The following SNX16 variants were observed in gnomAD, a reference collection of about 807,000 sequenced individuals.
SNX16 encodes sorting nexin 16.
In SNX16, 35 loss-of-function variants were observed where a neutral mutation model predicts 36.7. That is an observed-to-expected ratio of 0.95 (90% CI 0.73 to 1.27). SNX16 has a LOEUF of 1.27. Among genes scored for constraint, SNX16 ranks in the 50% most tolerant of loss-of-function variants. The pLI, the probability that SNX16 is intolerant of heterozygous loss-of-function variation, is 0.00. For missense variants in SNX16, 367 were observed against 393.6 expected (o/e 0.93, Z 0.57); for synonymous variants, 134 against 132.0 (o/e 1.02, Z -0.10).
chr8:81,819,065 C>G (rs1284142913), intron 4 of SNX16, among the ~76,000 whole-genome samples: 1 of 151,956 alleles, frequency 6.6e-6, no homozygotes, highest in East Asian at 1.9e-4. Context: ...CCATCCTGAA[C>G]TTTAAAAAAA....
intron 5 of SNX16, among the ~76,000 whole-genome samples, chr8:81,806,566 G>A (rs1809957450): frequency 6.6e-6 from 1 of 151,988 alleles, no homozygotes. Context: ...CCAGCCTATA[G>A]AAAACTCCAT....
intron 2 of SNX16, among the ~76,000 whole-genome samples, chr8:81,837,758 A>G (rs1040028476): frequency 6.6e-6 from 1 of 152,212 alleles, no homozygotes; most frequent in African/African-American, 2.4e-5. Context: ...AGACCATAGT[A>G]TCAACTCAAT....
intron 2 of SNX16, among the ~76,000 whole-genome samples, chr8:81,837,688 T>C (rs1401929061): frequency 6.6e-6 from 1 of 152,226 alleles, no homozygotes; most frequent in Non-Finnish European, 1.5e-5. Flanking sequence ...GCTCCATCTC[T>C]TAATACCATC....
intron 5 of SNX16, chr8:81,814,553 A>G (rs1810395914): frequency 6.6e-6 from 1 of 152,076 alleles, no homozygotes; most frequent in Non-Finnish European, 1.5e-5. Context: ...GGTTACAGTG[A>G]TGATGGTAAC....
At chr8:81,829,652 C>A in intron 2 of SNX16, 136 bp from the exon 3 acceptor site, 1 of 379,168 alleles carries the variant, frequency 2.6e-6, no homozygotes, top group Admixed American at 4.6e-5. Context: ...TATCAAAAAT[C>A]ATTTAAATTA....
chr8:81,808,037 C>T, intron 5 of SNX16: 2 of 897,382 alleles, frequency 2.2e-6, no homozygotes, highest in Admixed American at 1.7e-5. Context: ...CCAAAGAGAG[C>T]TGTCTCAAGG....
At chr8:81,829,380 GA>G in intron 3 of SNX16, 49 bp downstream of exon 3, 1 of 813,876 alleles carries the variant, frequency 1.2e-6, no homozygotes. Context: ...ATAGGAAACA[GA>G]AAAGAATTCA....
chr8:81,807,681 A>G, intron 5 of SNX16: 2 of 539,156 alleles, frequency 3.7e-6, no homozygotes. Flanking sequence ...AAAAAGTTAA[A>G]TCAATTAAAA....
chr8:81,810,883 G>A (rs1314029640), intron 5 of SNX16, among the ~76,000 whole-genome samples: 5 of 152,064 alleles, frequency 3.3e-5, no homozygotes, highest in Admixed American at 2.0e-4. Context: ...TAGAGTGTAT[G>A]AGAAATCCTA....
intron 5 of SNX16, among the ~76,000 whole-genome samples, chr8:81,804,239 C>A (rs1020599934): frequency 6.6e-6 from 1 of 151,834 alleles, no homozygotes; most frequent in Non-Finnish European, 1.5e-5. Flanking sequence ...CTAAGCATTA[C>A]CAATACACAT....
At chr8:81,805,918 T>C (rs1362792694) in intron 5 of SNX16, among the ~76,000 whole-genome samples, 1 of 149,520 alleles carries the variant, frequency 6.7e-6, no homozygotes, top group Non-Finnish European at 1.5e-5. Context: ...AAGACTCTTA[T>C]CTCAAAAAAA....
At chr8:81,830,793 A>G (rs1373414216) in intron 2 of SNX16, among the ~76,000 whole-genome samples, 1 of 152,154 alleles carries the variant, frequency 6.6e-6, no homozygotes, top group African/African-American at 2.4e-5. Context: ...ACCAAAAAAG[A>G]GCTGAAATAG....
chr8:81,821,977 C>T (rs1001006840), intron 4 of SNX16, among the ~76,000 whole-genome samples: 3 of 152,120 alleles, frequency 2.0e-5, no homozygotes, highest in Non-Finnish European at 4.4e-5. Flanking sequence ...CTGACCCCTA[C>T]TGATAATGAT....
chr8:81,825,289 T>A (rs1229122202), intron 3 of SNX16, among the ~76,000 whole-genome samples: 1 of 152,200 alleles, frequency 6.6e-6, no homozygotes, highest in East Asian at 1.9e-4. Flanking sequence ...TGACACACAT[T>A]GTCAAATCAT....
Position 81,803,222 on chromosome 8 carries a change from A to T in SNX16, c.688T>A (p.Cys230Ser). 6.3e-7 allele frequency: 1 copy of T among 1,595,626 alleles called. No individual in the cohort carries two copies. Among genetic ancestry groups the T allele is most frequent in the Non-Finnish European group, 8.5e-7 (1 of 1,174,650 alleles). The change falls in exon 6 of 8, where the codon TGT becomes AGT. Residue 230 changes from cysteine (C) to serine (S), a missense_variant. Coordinates refer to ENST00000345957, the MANE Select transcript of SNX16 (RefSeq NM_152836.3). Reference protein sequence around the residue: ...FDSLEESRAFCETLEETNYRL... With the variant: ...FDSLEESRAFSETLEETNYRL... ...TAGTTTGTCTCTTCTAAAGTTTCAC[A>T]GAATGCCTTAAAAAAAACAACAAAC...
chr8:81,830,527 C>T (rs185288675), intron 2 of SNX16, among the ~76,000 whole-genome samples: 1,918 of 147,234 alleles, frequency 0.013, 16 homozygotes, highest in Non-Finnish European at 0.022. Context: ...GCTGACATTG[C>T]ACCACTGCAC....
At chr8:81,828,689 C>G (rs953476527) in intron 3 of SNX16, among the ~76,000 whole-genome samples, 7 of 152,104 alleles carry the variant, frequency 4.6e-5, no homozygotes, top group African/African-American at 1.7e-4. Flanking sequence ...TCTGGGTGAG[C>G]CTTATCTTAC....
intron 2 of SNX16, among the ~76,000 whole-genome samples, chr8:81,837,587 G>C (rs1027437502): frequency 1.3e-5 from 2 of 152,140 alleles, no homozygotes; most frequent in Admixed American, 6.5e-5. Flanking sequence ...CCTCAGATGT[G>C]TAAAGGACAA....
In SNX16 at chr8:81,801,647, A is replaced by G. The variant is rs145194763; in HGVS notation, c.939-54T>C. The G allele has an allele frequency of 6.1e-4, 652 of 1,071,706 alleles. 2 individuals are homozygous for G. In the African/African-American group the frequency reaches 9.4e-3, roughly 15 times the overall value. 66.4% of individuals were successfully genotyped at this position (1,071,706 alleles called of 1,614,324 possible). ...TCAATGATGGGACTGGATGCATGCTATTATTTCATTTTCACTATTACCTTT... is the reference window on the plus strand; with the variant it reads ...TCAATGATGGGACTGGATGCATGCTGTTATTTCATTTTCACTATTACCTTT... On this transcript the variant is annotated intron_variant, in intron 7 of 7. Coordinates refer to ENST00000345957, the MANE Select transcript of SNX16 (RefSeq NM_152836.3).
Sources: allele counts gnomAD v4.1 joint callset (sites outside exome capture counted in the v4.1 genomes callset), GRCh38; gene constraint gnomAD v4.1.1; transcripts MANE v1.5; gene names NCBI Gene and HGNC (gene_info 2026-07-23, HGNC 2026-07-21).